XPO6: variants seen among roughly 807,000 people sequenced by gnomAD.
XPO6 encodes exportin-6.
XPO6 carries 3 observed loss-of-function variants against 130.0 expected under a neutral mutation model. The observed-to-expected ratio is 0.02, with a 90% confidence interval of 0.01 to 0.06. The LOEUF (loss-of-function observed/expected upper bound fraction) is 0.06, where lower values mean the gene tolerates loss of function less well. Among genes scored for constraint, XPO6 ranks in the 10% least tolerant of loss-of-function variants. The pLI is 1.00. For synonymous variants in XPO6, 524 were observed against 548.9 expected (o/e 0.95, Z 0.63); for missense variants, 970 against 1,393.0 (o/e 0.70, Z 4.83).
chr16:28,149,410 T>C (rs949439407), intron 8 of XPO6, among the ~76,000 whole-genome samples: 1 of 152,238 alleles, frequency 6.6e-6, no homozygotes, highest in Non-Finnish European at 1.5e-5. Flanking sequence ...TTCTGTCTTA[T>C]GACTGTTCTT....
At chr16:28,127,101 G>C (rs985983631) in intron 12 of XPO6, among the ~76,000 whole-genome samples, 5 of 152,186 alleles carry the variant, frequency 3.3e-5, no homozygotes, top group African/African-American at 1.2e-4. Flanking sequence ...CCTGCTAAAA[G>C]GGGAGAGCCT....
chr16:28,163,201 T>C (rs1035853397), intron 6 of XPO6, among the ~76,000 whole-genome samples: 12 of 151,880 alleles, frequency 7.9e-5, no homozygotes, highest in Non-Finnish European at 1.5e-4. Flanking sequence ...ATCACAGGAG[T>C]TGTAAGTGAC....
intron 1 of XPO6, among the ~76,000 whole-genome samples, chr16:28,205,912 C>G (rs1402402348): frequency 6.6e-6 from 1 of 151,720 alleles, no homozygotes; most frequent in African/African-American, 2.4e-5. Flanking sequence ...GTGGTGCGCA[C>G]CTGTAGTCCC....
At chr16:28,169,336 T>A (rs1368927039) in intron 5 of XPO6, among the ~76,000 whole-genome samples, 1 of 152,204 alleles carries the variant, frequency 6.6e-6, no homozygotes, top group East Asian at 1.9e-4. Context: ...AGGGGCTGGC[T>A]CCACACCATG....
chr16:28,166,681 T>A lies in XPO6; in HGVS notation c.566-96A>T, dbSNP rs1360818439. On this transcript the variant is annotated intron_variant, in intron 5 of 23. Coordinates refer to ENST00000304658, the MANE Select transcript of XPO6 (RefSeq NM_015171.4). ...GTTTCTTGATACCTCTGATCAAACA[T>A]GAGTACTTGAACATCCCTTTCTTGA... The A allele has an allele frequency of 2.0e-6, 3 of 1,528,534 alleles. No homozygotes were observed. In the East Asian group the frequency reaches 7.4e-5, roughly 38 times the overall value. 94.7% of individuals were successfully genotyped at this position (1,528,534 alleles called of 1,614,324 possible).
At chr16:28,112,616 G>A (rs895385588) in intron 16 of XPO6, among the ~76,000 whole-genome samples, 2 of 152,250 alleles carry the variant, frequency 1.3e-5, no homozygotes, top group African/African-American at 4.8e-5. Context: ...AATGCAAAGA[G>A]AATTCTCACA....
intron 1 of XPO6, among the ~76,000 whole-genome samples, chr16:28,196,970 C>G (rs1407589455): frequency 1.3e-5 from 2 of 152,174 alleles, no homozygotes; most frequent in Non-Finnish European, 2.9e-5. Flanking sequence ...GCTTCAAATA[C>G]TCCTTCAGCA....
intron 1 of XPO6, among the ~76,000 whole-genome samples, chr16:28,198,126 C>A (rs544615106): frequency 6.6e-6 from 1 of 151,970 alleles, no homozygotes; most frequent in South Asian, 2.1e-4. Context: ...CTTAAAAATC[C>A]ATGCAATTCG....
intron 1 of XPO6, among the ~76,000 whole-genome samples, chr16:28,203,554 C>T (rs1269187560): frequency 3.3e-5 from 5 of 152,214 alleles, no homozygotes; most frequent in African/African-American, 1.2e-4. Context: ...GAGATAGCCA[C>T]ATCCCATATT....
chr16:28,112,274 G>A (rs1441363837), intron 16 of XPO6, among the ~76,000 whole-genome samples: 1 of 152,196 alleles, frequency 6.6e-6, no homozygotes, highest in East Asian at 1.9e-4. Context: ...AAGTATTAGA[G>A]AGGGAAAAAT....
chr16:28,169,292 C>T (rs1173798135), intron 5 of XPO6, among the ~76,000 whole-genome samples: 1 of 152,216 alleles, frequency 6.6e-6, no homozygotes, highest in Non-Finnish European at 1.5e-5. Flanking sequence ...ACAGAAAAGA[C>T]AAAATGCTAC....
Position 28,113,066 on chromosome 16 carries a change from G to C in XPO6, c.2005-16C>G, listed in dbSNP as rs2086969342. 6.2e-7 allele frequency: 1 copy of C among 1,610,866 alleles called. No individual in the cohort carries two copies. The highest frequency in any genetic ancestry group is 1.1e-5 in the South Asian group (1 of 90,798). On this transcript the variant is annotated splice_polypyrimidine_tract_variant and intron_variant, in intron 15 of 23. Coordinates refer to ENST00000304658, the MANE Select transcript of XPO6 (RefSeq NM_015171.4). Reference sequence around the variant, plus strand: ...TGTCTTGGACCTGCAGAGGGAAGAGGGCACGTCAGCTCACCACATCCCTGT... The same window carrying C: ...TGTCTTGGACCTGCAGAGGGAAGAGCGCACGTCAGCTCACCACATCCCTGT...
intron 4 of XPO6, among the ~76,000 whole-genome samples, chr16:28,170,479 CTAACA>C (rs1166279607): frequency 6.6e-6 from 1 of 152,094 alleles, no homozygotes; most frequent in Non-Finnish European, 1.5e-5. Flanking sequence ...TCTTTTATAC[CTAACA>C]TGACAATTTT....
chr16:28,158,773 G>C (rs2043223202), intron 6 of XPO6, among the ~76,000 whole-genome samples: 3 of 152,112 alleles, frequency 2.0e-5, no homozygotes, highest in Admixed American at 2.0e-4. Context: ...GAGCCTGAAG[G>C]GGTTGGGGCC....
At chr16:28,141,010 G>A (rs1009285837) in intron 9 of XPO6, among the ~76,000 whole-genome samples, 2 of 152,228 alleles carry the variant, frequency 1.3e-5, no homozygotes, top group African/African-American at 4.8e-5. Context: ...CACTTGCCCT[G>A]TGGGGCAGTC....
intron 1 of XPO6, among the ~76,000 whole-genome samples, chr16:28,186,378 T>TTTTTTTTTTTTTTTTTTG (rs2043695525): frequency 7.4e-6 from 1 of 134,984 alleles, no homozygotes; most frequent in Non-Finnish European, 1.6e-5. Flanking sequence ...GTTATTCTTT[T>TTTTTTTTTTTTTTTTTTG]TTTTTTTTTT....
chr16:28,194,740 C>G (rs1467276977), intron 1 of XPO6, among the ~76,000 whole-genome samples: 1 of 152,054 alleles, frequency 6.6e-6, no homozygotes, highest in Non-Finnish European at 1.5e-5. Context: ...CATTCTCTCT[C>G]AAGTATCTTT....
At chr16:28,169,948 T>A (rs372278562) in intron 4 of XPO6, 39 bp from the exon 5 acceptor site, 54 of 1,608,110 alleles carry the variant, frequency 3.4e-5, no homozygotes, top group Non-Finnish European at 4.4e-5. Context: ...AGTGTTGGAC[T>A]AATAAAGTAC....
In XPO6 at chr16:28,128,724, G is replaced by A. The variant is rs574584298; in HGVS notation, c.1607-2876C>T. Among the ~76,000 whole-genome samples the A allele has an allele frequency of 1.2e-4, 19 of 152,174 alleles. No homozygotes were observed. In the South Asian group the frequency reaches 2.1e-3, roughly 17 times the overall value. ...GCCCTTCAGCCTCTTCCTGGACCTC[G>A]GCTGAATGCTAGGGAGCTCAAGGGA... On this transcript the variant is annotated intron_variant, in intron 12 of 23. Coordinates refer to ENST00000304658, the MANE Select transcript of XPO6 (RefSeq NM_015171.4).
Sources: allele counts gnomAD v4.1 joint callset (sites outside exome capture counted in the v4.1 genomes callset), GRCh38; gene constraint gnomAD v4.1.1; transcripts MANE v1.5; gene names NCBI Gene and HGNC (gene_info 2026-07-23, HGNC 2026-07-21).